PLA2G2E: variants seen among roughly 807,000 people sequenced by gnomAD.
PLA2G2E encodes the protein phospholipase A2 group IIE.
PLA2G2E carries 14 observed loss-of-function variants against 16.5 expected under a neutral mutation model. The observed-to-expected ratio is 0.85, with a 90% CI of 0.56 to 1.33. The LOEUF (loss-of-function observed/expected upper bound fraction) is 1.33, where lower values mean the gene tolerates loss of function less well. Among genes scored for constraint, PLA2G2E ranks in the 40% most tolerant of loss-of-function variants. PLA2G2E has a pLI of 0.00. For missense variants in PLA2G2E, 174 were observed against 190.7 expected (o/e 0.91, Z 0.52); for synonymous variants, 72 against 77.2 (o/e 0.93, Z 0.36).
Position 19,920,381 on chromosome 1 carries a change from T to A in PLA2G2E, c.355A>T (p.Asn119Tyr). 1 of 1,613,124 alleles carries A rather than the reference T, an allele frequency of 6.2e-7. No homozygotes were observed. Among genetic ancestry groups the A allele is most frequent in the East Asian group, 2.2e-5 (1 of 44,882 alleles). ...TATTTGCGGTTGTAGGTGCCCAGGT[T>A]GCGGCGAAAGCAGAGGGCAGCCCTC... ...DKRAALCFRR[N>Y]LGTYNRKYAH... The change falls in exon 4 of 4, where the codon AAC becomes TAC. Residue 119 changes from asparagine (N) to tyrosine (Y), a missense_variant. Coordinates refer to ENST00000375116, the MANE Select transcript of PLA2G2E (RefSeq NM_014589.3). The surrounding 1 kb of genome is among the most constrained non-coding windows in gnomAD (Gnocchi z 4.3).
chr1:19,923,482 G>A (rs2045835197), intron 1 of PLA2G2E, 38 bp downstream of exon 1: 1 of 1,534,320 alleles, frequency 6.5e-7, no homozygotes. Context: ...GGGGTTGCCA[G>A]ATGGGGCAGA....
intron 3 of PLA2G2E, 118 bp downstream of exon 3, chr1:19,922,180 G>T: frequency 1.5e-6 from 1 of 684,270 alleles, no homozygotes; most frequent in Non-Finnish European, 2.5e-6. Context: ...CATGCCTCCA[G>T]CCCAGGGTCT....
chr1:19,922,404 C>T lies in PLA2G2E; in HGVS notation c.180G>A (p.Trp60Ter). The change falls in exon 3 of 4, where the codon TGG becomes TGA. Residue 60 changes from tryptophan (W) to a stop codon, truncating the protein, a stop_gained and splice_region_variant. Coordinates refer to ENST00000375116, the MANE Select transcript of PLA2G2E (RefSeq NM_014589.3). LOFTEE classifies it high-confidence loss of function. ...AGCAGCAGTCGTGGGCGTGGCAGCA[C>T]CTGTAAGGGTCATGGTTGACCTGGA... ...GSHWPVDQTD[W>*]CCHAHDCCYG... 6.2e-7 allele frequency: 1 copy of T among 1,613,370 alleles called. No individual in the cohort carries two copies. The highest frequency in any genetic ancestry group is 8.5e-7 in the Non-Finnish European group (1 of 1,179,482).
intron 3 of PLA2G2E, 39 bp downstream of exon 3, chr1:19,922,259 C>G (rs2045822074): frequency 1.4e-6 from 2 of 1,454,514 alleles, no homozygotes; most frequent in Non-Finnish European, 1.9e-6. Context: ...ACCCACCTCA[C>G]CGCAGGGTGT....
intron 2 of PLA2G2E, 88 bp from the exon 3 acceptor site, chr1:19,922,492 C>T: frequency 6.5e-7 from 1 of 1,544,006 alleles, no homozygotes; most frequent in Non-Finnish European, 8.8e-7. Context: ...CCCAAAGCAG[C>T]CCAGAGGAGA....
At chr1:19,922,829 A>AATCTGATCACAGGC in intron 1 of PLA2G2E, 74 bp from the exon 2 acceptor site, 1 of 1,555,462 alleles carries the variant, frequency 6.4e-7, no homozygotes, top group South Asian at 1.2e-5. Flanking sequence ...TGTCCCCTCA[A>AATCTGATCACAGGC]ATCTGATCAC....
chr1:19,922,218 C>A, intron 3 of PLA2G2E, 80 bp downstream of exon 3: 2 of 963,330 alleles, frequency 2.1e-6, no homozygotes, highest in Non-Finnish European at 3.2e-6. Context: ...AGGTCACCAT[C>A]AGGAGGGGCT....
chr1:19,922,051 G>A (rs2045820572), intron 3 of PLA2G2E, among the ~76,000 whole-genome samples: 1 of 152,212 alleles, frequency 6.6e-6, no homozygotes, highest in African/African-American at 2.4e-5. Context: ...GAGCTGGGAG[G>A]TGTCTGTGGG....
rs1455826493 is a variant in PLA2G2E, at chr1:19,922,757, T to G, written c.41-2A>C. ...CCAGGTTCCCGGTGACCAGAGCCAC[T>G]GCAGAGAGGGAGAGGGAGAGGGAGA... On this transcript the variant is annotated splice_acceptor_variant, in intron 1 of 3. Transcript: ENST00000375116. LOFTEE classifies it high-confidence loss of function. The G allele has an allele frequency of 1.2e-6, 2 of 1,605,158 alleles. No individual in the cohort carries two copies. The highest frequency in any genetic ancestry group is 1.7e-6 in the Non-Finnish European group (2 of 1,177,584).
Position 19,920,325 on chromosome 1 carries a change from C to T in PLA2G2E, c.411G>A (p.Gly137=), listed in dbSNP as rs2045804337. 6.2e-7 allele frequency: 1 copy of T among 1,612,502 alleles called. No homozygotes were observed. Reference sequence around the variant, plus strand: ...CATAGCCTCAGCAGGGCGGGGTGGGCCCGGTGCACAGCTTGTTGGGATAAT... The same window carrying T: ...CATAGCCTCAGCAGGGCGGGGTGGGTCCGGTGCACAGCTTGTTGGGATAAT... ...YAHYPNKLCT[G]PTPPC is the part of the protein sequence containing the mutation. Residue 137 remains glycine (G), a synonymous_variant, in exon 4 of 4, where the codon GGG becomes GGA. Coordinates refer to ENST00000375116, the MANE Select transcript of PLA2G2E (RefSeq NM_014589.3). This position sits in a 1 kb window ranked among gnomAD's most constrained non-coding sequence, Gnocchi z 4.3.
At chr1:19,922,938 G>T (rs184536207) in intron 1 of PLA2G2E, among the ~76,000 whole-genome samples, 183 bp from the exon 2 acceptor site, 187 of 152,144 alleles carry the variant, frequency 1.2e-3, no homozygotes, top group African/African-American at 4.4e-3. Context: ...AGTGACATCC[G>T]TTGCACCTTC....
At position 19,920,055 on chromosome 1, in the gene PLA2G2E, C is replaced by A; in HGVS notation, c.*252G>T. On this transcript the variant is annotated 3_prime_UTR_variant, in exon 4 of 4. Coordinates refer to ENST00000375116, the MANE Select transcript of PLA2G2E (RefSeq NM_014589.3). This position sits in a 1 kb window ranked among gnomAD's most constrained non-coding sequence, Gnocchi z 4.3. ...TTATTCAGAAGAGGGAGCTGAGATC[C>A]CAGAAGCTAGTGACAGTCTTCTGGG... is the stretch of plus-strand genomic sequence containing the variant. 6.9e-6 allele frequency: 3 copies of A among 433,042 alleles called. No homozygotes were observed. The highest frequency in any genetic ancestry group is 1.2e-5 in the Non-Finnish European group (3 of 243,664). The allele number at this position is 433,042 out of a possible 1,614,324, so 26.8% of individuals were successfully genotyped here. A position where few individuals can be genotyped will look rare whatever the true frequency, so the allele number is the denominator to read the frequency against.
At chr1:19,921,642 C>T (rs766716910) in intron 3 of PLA2G2E, among the ~76,000 whole-genome samples, 12 of 152,362 alleles carry the variant, frequency 7.9e-5, no homozygotes, top group Non-Finnish European at 1.5e-4. Context: ...CGCGACCTCC[C>T]GAATCCTTCC....
chr1:19,923,501 G>A lies in PLA2G2E; in HGVS notation c.40+19C>T. On this transcript the variant is annotated intron_variant, in intron 1 of 3. Coordinates refer to ENST00000375116, the MANE Select transcript of PLA2G2E (RefSeq NM_014589.3). Reference sequence around the variant, plus strand: ...TTGCCAGATGGGGCAGAAGGCTGAAGGTCACAAAGATCACTTACCCAGGAG... The same window carrying A: ...TTGCCAGATGGGGCAGAAGGCTGAAAGTCACAAAGATCACTTACCCAGGAG... 6.5e-7 allele frequency: 1 copy of A among 1,545,830 alleles called. No homozygotes were observed. Among genetic ancestry groups the A allele is most frequent in the Non-Finnish European group, 8.7e-7 (1 of 1,144,296 alleles).
chr1:19,923,540 A>G lies in PLA2G2E; in HGVS notation c.20T>C (p.Leu7Pro). 1 of 1,550,942 alleles carries G rather than the reference A, an allele frequency of 6.4e-7. No homozygotes were observed. The change falls in exon 1 of 4, where the codon CTG (leucine) becomes CCG (proline). Residue 7 changes from leucine (L) to proline (P), a missense_variant. Leu to Pro is a moderately conservative substitution (Grantham distance 98, BLOSUM62 -3). Transcript: ENST00000375116. Reference sequence around the variant, plus strand: ...CTTACCCAGGAGGCAAAGGAACACCAGCACGTGGGGAGATTTCATCCCAGG... The same window carrying G: ...CTTACCCAGGAGGCAAAGGAACACCGGCACGTGGGGAGATTTCATCCCAGG... MKSPHV[L>P]VFLCLLVALV...
chr1:19,922,470 G>A (rs528463608), intron 2 of PLA2G2E, 66 bp from the exon 3 acceptor site: 12 of 1,554,892 alleles, frequency 7.7e-6, no homozygotes, highest in Admixed American at 5.6e-5. Context: ...GGGGCTGCTC[G>A]GGGCCCCCGA....
In PLA2G2E at chr1:19,922,760, A is replaced by AGAGGGAGAGG. The variant is rs1553164458; in HGVS notation, c.41-6_41-5insCCTCTCCCTC. On this transcript the variant is annotated splice_region_variant and splice_polypyrimidine_tract_variant and intron_variant, in intron 1 of 3. Transcript: ENST00000375116. ...GGTTCCCGGTGACCAGAGCCACTGC[A>AGAGGGAGAGG]GAGAGGGAGAGGGAGAGGGAGAGGG... The AGAGGGAGAGG allele has an allele frequency of 6.2e-7, 1 of 1,611,660 alleles. No homozygotes were observed.
chr1:19,920,528 C>T lies in PLA2G2E; in HGVS notation c.287-79G>A. On this transcript the variant is annotated intron_variant, in intron 3 of 3. Transcript: ENST00000375116. The surrounding 1 kb of genome is among the most constrained non-coding windows in gnomAD (Gnocchi z 4.3). ...CAGCTCTTGGCTGCTTCTGGGTCCA[C>T]GTTCTTGACCTGGACCAACTCCATT... 3 of 1,431,392 alleles carry T rather than the reference C, an allele frequency of 2.1e-6. No homozygotes were observed. The highest frequency in any genetic ancestry group is 1.3e-5 in the South Asian group (1 of 79,176). 88.7% of individuals were successfully genotyped at this position (1,431,392 alleles called of 1,614,324 possible). A position where few individuals can be genotyped will look rare whatever the true frequency, so the allele number is the denominator to read the frequency against.
intron 3 of PLA2G2E, among the ~76,000 whole-genome samples, chr1:19,921,659 C>T (rs1248188528): frequency 1.3e-5 from 2 of 152,252 alleles, no homozygotes; most frequent in Non-Finnish European, 2.9e-5. Flanking sequence ...TTCCGCGCTG[C>T]AGCATCCGCC....
Sources: allele counts gnomAD v4.1 joint callset (sites outside exome capture counted in the v4.1 genomes callset), GRCh38; gene constraint gnomAD v4.1.1; non-coding constraint Gnocchi (gnomAD v3.1); transcripts MANE v1.5; gene names NCBI Gene and HGNC (gene_info 2026-07-23, HGNC 2026-07-21).